Variants in KCNIP4 observed in about 807,000 individuals in gnomAD.
The protein encoded by KCNIP4 is Kv channel-interacting protein 4.
Under a neutral mutation model 34.0 loss-of-function variants are expected in KCNIP4, and 12 were observed. That is an observed-to-expected ratio of 0.35 (90% CI 0.23 to 0.57). The LOEUF (loss-of-function observed/expected upper bound fraction) is 0.57. KCNIP4 is among the 20% of genes least tolerant of loss of function. The pLI is 0.83. For synonymous variants in KCNIP4, 124 were observed against 102.2 expected, an observed-to-expected ratio of 1.21 and a Z score of -1.29; for missense variants, 238 against 311.7, an observed-to-expected ratio of 0.76 and a Z score of 1.78.
rs545219586 is a variant in KCNIP4, at chr4:21,030,823, C to T, written c.62-148114G>A. On this transcript the variant is annotated intron_variant, in intron 1 of 8. Transcript: ENST00000382152. ...GTGGTTTAGAATTTGTGTAGCGGAA[C>T]GAGGATAAATCAGACTTCAGTATGA... Among the ~76,000 whole-genome samples, 11 of 152,192 alleles carry T rather than the reference C, an allele frequency of 7.2e-5. No homozygotes were observed. The South Asian group carries it at 1.0e-3, about 14-fold the overall frequency.
intron 1 of KCNIP4, among the ~76,000 whole-genome samples, chr4:21,193,890 AC>A (rs1755866611): frequency 6.6e-6 from 1 of 152,150 alleles, no homozygotes; most frequent in Non-Finnish European, 1.5e-5. Flanking sequence ...TTTTTAAACT[AC>A]AAGAAGGGAA....
intron 1 of KCNIP4, among the ~76,000 whole-genome samples, chr4:21,863,716 A>G (rs145637640): frequency 6.6e-6 from 1 of 152,252 alleles, no homozygotes; most frequent in Non-Finnish European, 1.5e-5. Flanking sequence ...GGGAAAAAGA[A>G]CCTTCATGAT....
intron 2 of KCNIP4, among the ~76,000 whole-genome samples, chr4:20,859,825 T>C (rs73802377): frequency 7.9e-5 from 12 of 152,268 alleles, no homozygotes; most frequent in African/African-American, 2.6e-4. Context: ...GTCCTACCTT[T>C]TGACGACATG....
intron 1 of KCNIP4, among the ~76,000 whole-genome samples, chr4:20,906,262 G>T (rs1199689325): frequency 1.3e-5 from 2 of 152,046 alleles, no homozygotes; most frequent in African/African-American, 4.8e-5. Context: ...TGAGCTGTTG[G>T]CTAGTGAAAC....
At chr4:21,599,782 A>T (rs1313124212) in intron 1 of KCNIP4, among the ~76,000 whole-genome samples, 1 of 152,072 alleles carries the variant, frequency 6.6e-6, no homozygotes, top group Non-Finnish European at 1.5e-5. Context: ...TTTACCTACC[A>T]AAGGTGAAAT....
chr4:21,183,054 CTTCTAT>C (rs1242219770), intron 1 of KCNIP4, among the ~76,000 whole-genome samples: 1 of 152,122 alleles, frequency 6.6e-6, no homozygotes, highest in African/African-American at 2.4e-5. Flanking sequence ...TTACTTTCTA[CTTCTAT>C]AAGATCAAGT....
intron 1 of KCNIP4, among the ~76,000 whole-genome samples, chr4:21,411,269 G>A (rs1405070061): frequency 6.6e-6 from 1 of 152,032 alleles, no homozygotes; most frequent in Non-Finnish European, 1.5e-5. Flanking sequence ...TTCTTGGGAG[G>A]GGTTTGTTGA....
chr4:20,939,922 C>T (rs1423141528), intron 1 of KCNIP4, among the ~76,000 whole-genome samples: 3 of 152,206 alleles, frequency 2.0e-5, no homozygotes, highest in Admixed American at 6.6e-5. Context: ...TGAAATAGCA[C>T]CTAACTTAGT....
chr4:21,064,594 A>T (rs928473187), intron 1 of KCNIP4, among the ~76,000 whole-genome samples: 1 of 152,160 alleles, frequency 6.6e-6, no homozygotes, highest in Non-Finnish European at 1.5e-5. Context: ...ACACCTCTGA[A>T]GGTGTCTGGA....
chr4:20,813,117 C>T (rs1298783327), intron 3 of KCNIP4, among the ~76,000 whole-genome samples: 1 of 152,072 alleles, frequency 6.6e-6, no homozygotes, highest in Non-Finnish European at 1.5e-5. Flanking sequence ...TGGAGGCCCA[C>T]CTGTGATTTA....
intron 1 of KCNIP4, among the ~76,000 whole-genome samples, chr4:21,550,798 A>AACAT (rs1364197412): frequency 2.6e-5 from 4 of 152,148 alleles, no homozygotes; most frequent in African/African-American, 9.6e-5. Flanking sequence ...GTGTGAGCAT[A>AACAT]ACATATACAT....
At chr4:21,316,984 T>C (rs1713832060) in intron 1 of KCNIP4, among the ~76,000 whole-genome samples, 1 of 152,188 alleles carries the variant, frequency 6.6e-6, no homozygotes, top group Non-Finnish European at 1.5e-5. Flanking sequence ...TCCATTTCTT[T>C]AGGTACCCAA....
intron 1 of KCNIP4, among the ~76,000 whole-genome samples, chr4:21,796,110 G>A (rs892539236): frequency 6.6e-6 from 1 of 152,110 alleles, no homozygotes; most frequent in Non-Finnish European, 1.5e-5. Context: ...TAAACATGGA[G>A]ATCTCTGTGG....
chr4:21,030,044 C>A (rs933716006), intron 1 of KCNIP4, among the ~76,000 whole-genome samples: 2 of 152,056 alleles, frequency 1.3e-5, no homozygotes, highest in Non-Finnish European at 2.9e-5. Flanking sequence ...GGCAGGGGTC[C>A]CCAACCCTTC....
At chr4:21,323,230 T>G (rs943771894) in intron 1 of KCNIP4, among the ~76,000 whole-genome samples, 6 of 151,000 alleles carry the variant, frequency 4.0e-5, no homozygotes, top group African/African-American at 1.5e-4. Context: ...AAATGAGATA[T>G]CTCTAACCTC....
At chr4:20,732,151 A>C (rs1748447904) in intron 7 of KCNIP4, 83 bp from the exon 8 acceptor site, 1 of 926,402 alleles carries the variant, frequency 1.1e-6, no homozygotes, top group African/African-American at 1.7e-5. Context: ...GAAGCTGATA[A>C]AAAGAAAACC....
chr4:21,784,035 C>T (rs960720292), intron 1 of KCNIP4, among the ~76,000 whole-genome samples: 35 of 150,726 alleles, frequency 2.3e-4, no homozygotes, highest in Middle Eastern at 3.4e-3. Flanking sequence ...CAAGGAAAGA[C>T]GTTTAATTGA....
At chr4:21,802,769 T>A (rs1460938605) in intron 1 of KCNIP4, among the ~76,000 whole-genome samples, 5 of 152,140 alleles carry the variant, frequency 3.3e-5, no homozygotes, top group African/African-American at 1.2e-4. Context: ...AAGACACGGT[T>A]CCAATAACAT....
intron 1 of KCNIP4, among the ~76,000 whole-genome samples, chr4:21,398,998 T>TA (rs892158577): frequency 1.3e-5 from 2 of 152,226 alleles, no homozygotes; most frequent in Non-Finnish European, 2.9e-5. Flanking sequence ...AAAATCTGTT[T>TA]AAAAAATAAT....
Sources: allele counts gnomAD v4.1 joint callset (sites outside exome capture counted in the v4.1 genomes callset), GRCh38; gene constraint gnomAD v4.1.1; transcripts MANE v1.5; gene names NCBI Gene and HGNC (gene_info 2026-07-23, HGNC 2026-07-21).